Variants in TUSC3 observed in about 807,000 individuals in gnomAD.
The protein encoded by TUSC3 is dolichyl-diphosphooligosaccharide--protein glycosyltransferase subunit TUSC3.
A neutral mutation model predicts 44.8 loss-of-function variants in TUSC3; 45 were observed. That is an observed-to-expected ratio of 1.00 (90% CI 0.79 to 1.29). The LOEUF is 1.29. Among genes scored for constraint, TUSC3 ranks in the 50% most tolerant of loss-of-function variants. The pLI is 0.00. For missense variants in TUSC3, 519 were observed against 437.9 expected (o/e 1.19, Z -1.65); for synonymous variants, 212 against 152.9 (o/e 1.39, Z -2.85).
intron 1 of TUSC3, among the ~76,000 whole-genome samples, chr8:15,576,618 A>T (rs1803127504): frequency 6.9e-6 from 1 of 145,058 alleles, no homozygotes; most frequent in Non-Finnish European, 1.5e-5. Flanking sequence ...AGTTTCATCC[A>T]TGTCCCTACA....
intron 7 of TUSC3, among the ~76,000 whole-genome samples, chr8:15,738,617 C>G (rs79480997): frequency 6.6e-6 from 1 of 152,042 alleles, no homozygotes; most frequent in Non-Finnish European, 1.5e-5. Context: ...AATTTCTGCT[C>G]TATAGGCTGT....
chr8:15,439,430 T>C (rs914870100), intron 1 of TUSC3, among the ~76,000 whole-genome samples: 4 of 152,122 alleles, frequency 2.6e-5, no homozygotes, highest in African/African-American at 9.7e-5. Context: ...TGTAGGATGT[T>C]CCTGTAGTTC....
At chr8:15,632,140 C>T (rs143793179) in intron 2 of TUSC3, among the ~76,000 whole-genome samples, 5 of 152,192 alleles carry the variant, frequency 3.3e-5, no homozygotes, top group South Asian at 4.1e-4. Context: ...ATTTCACTCC[C>T]GCACCCCCAT....
intron 1 of TUSC3, among the ~76,000 whole-genome samples, chr8:15,450,416 C>T (rs766807405): frequency 2.0e-5 from 3 of 152,182 alleles, no homozygotes; most frequent in African/African-American, 2.4e-5. Flanking sequence ...CTGGGCGTGG[C>T]GGCTAACACC....
At chr8:15,549,281 C>T (rs560128025) in intron 1 of TUSC3, among the ~76,000 whole-genome samples, 4 of 151,850 alleles carry the variant, frequency 2.6e-5, no homozygotes, top group African/African-American at 9.6e-5. Flanking sequence ...TCAAGTGATT[C>T]TCCTGCCTCA....
In TUSC3 at chr8:15,757,850, C is replaced by A. The variant is rs751967923; in HGVS notation, c.*41C>A. 2.9e-6 allele frequency: 4 copies of A among 1,377,116 alleles called. No homozygotes were observed. In the South Asian group the frequency reaches 4.6e-5, roughly 16 times the overall value. The allele number at this position is 1,377,116 out of a possible 1,614,324, so 85.3% of individuals were successfully genotyped here. A position where few individuals can be genotyped will look rare whatever the true frequency, so the allele number is the denominator to read the frequency against. ...ACCATGGCACTTAAAAACTCTATAA[C>A]CTCAGGCAAGTCTTTTAATCTTCTC... On this transcript the variant is annotated 3_prime_UTR_variant, in exon 10 of 11. Coordinates refer to ENST00000503731, the MANE Select transcript of TUSC3 (RefSeq NM_006765.4).
chr8:15,828,253 C>T, the TUSC3 span, among the ~76,000 whole-genome samples: 1 of 152,140 alleles, frequency 6.6e-6, no homozygotes, highest in Admixed American at 6.5e-5. Flanking sequence ...CCTTGGCCTC[C>T]CGAAGTGCTG....
intron 1 of TUSC3, among the ~76,000 whole-genome samples, chr8:15,599,702 T>C (rs1175219102): frequency 1.3e-5 from 1 of 78,648 alleles, no homozygotes; most frequent in Admixed American, 1.3e-4. Flanking sequence ...TTGCTTGTGG[T>C]TTTTTTTTTT....
At chr8:15,782,492 A>G in the TUSC3 span, among the ~76,000 whole-genome samples, 1 of 152,100 alleles carries the variant, frequency 6.6e-6, no homozygotes, top group Non-Finnish European at 1.5e-5. Flanking sequence ...AATAAAAGAA[A>G]ATACTAGCAA....
At chr8:15,837,734 C>A in the TUSC3 span, among the ~76,000 whole-genome samples, 831 of 152,204 alleles carry the variant, frequency 5.5e-3, 5 homozygotes, top group Non-Finnish European at 9.8e-3. Context: ...TTTTTTAATT[C>A]ATGGAAGGCA....
intron 6 of TUSC3, among the ~76,000 whole-genome samples, chr8:15,698,439 T>TA (rs1809259062): frequency 6.6e-6 from 1 of 152,216 alleles, no homozygotes; most frequent in South Asian, 2.1e-4. Context: ...TTTATATACT[T>TA]ACTAAATCCT....
chr8:15,662,670 G>A (rs2129180173), intron 5 of TUSC3, among the ~76,000 whole-genome samples: 1 of 152,030 alleles, frequency 6.6e-6, no homozygotes, highest in South Asian at 2.1e-4. Flanking sequence ...ACTGTTTCTT[G>A]TGTATCTTCT....
chr8:15,799,205 A>C, the TUSC3 span, among the ~76,000 whole-genome samples: 2 of 152,038 alleles, frequency 1.3e-5, no homozygotes, highest in African/African-American at 4.8e-5. Context: ...TGCAGGAGGC[A>C]TTGAGCTGTA....
At chr8:15,816,535 G>A in the TUSC3 span, among the ~76,000 whole-genome samples, 4 of 152,206 alleles carry the variant, frequency 2.6e-5, no homozygotes, top group East Asian at 7.8e-4. Context: ...TAGTGGAAAG[G>A]GTGACTCTTC....
chr8:15,637,573 CA>C (rs1806144736), intron 2 of TUSC3, among the ~76,000 whole-genome samples: 1 of 152,006 alleles, frequency 6.6e-6, no homozygotes, highest in African/African-American at 2.4e-5. Context: ...AATTTTTTAT[CA>C]GTTGAAGAAT....
chr8:15,559,313 T>C (rs958778229), intron 1 of TUSC3, among the ~76,000 whole-genome samples: 1 of 145,324 alleles, frequency 6.9e-6, no homozygotes, highest in African/African-American at 2.5e-5. Context: ...TTGAGCAGTT[T>C]TGAGTGAGAT....
At chr8:15,457,878 A>AATC (rs1218324392) in intron 1 of TUSC3, among the ~76,000 whole-genome samples, 4 of 148,296 alleles carry the variant, frequency 2.7e-5, no homozygotes, top group African/African-American at 4.9e-5. Flanking sequence ...TTAATTAGAT[A>AATC]ATTACTAATT....
Position 15,590,758 on chromosome 8 carries a change from A to G in TUSC3, c.139-32322A>G, listed in dbSNP as rs965773771. On this transcript the variant is annotated intron_variant, in intron 1 of 10. Transcript: ENST00000503731. Reference sequence around the variant, plus strand: ...GCAATCTTGGCTCATTGTTGCCTCTACCTCCTGGGCTCAGGCAGTCCTCTC... The same window carrying G: ...GCAATCTTGGCTCATTGTTGCCTCTGCCTCCTGGGCTCAGGCAGTCCTCTC... Among the ~76,000 whole-genome samples, 5 of 151,004 alleles carry G rather than the reference A, an allele frequency of 3.3e-5. No individual in the cohort carries two copies. In the East Asian group the frequency reaches 9.8e-4, roughly 30 times the overall value.
chr8:15,667,212 G>A (rs1807701997), intron 5 of TUSC3, among the ~76,000 whole-genome samples: 1 of 151,516 alleles, frequency 6.6e-6, no homozygotes, highest in Non-Finnish European at 1.5e-5. Flanking sequence ...TGGAATTAAA[G>A]ACTTAGTCTT....
Sources: allele counts gnomAD v4.1 joint callset (sites outside exome capture counted in the v4.1 genomes callset), GRCh38; gene constraint gnomAD v4.1.1; transcripts MANE v1.5; gene names NCBI Gene and HGNC (gene_info 2026-07-23, HGNC 2026-07-21).